Variants in SNTG2 observed in about 807,000 individuals in gnomAD.
The protein encoded by SNTG2 is gamma-2-syntrophin.
In SNTG2, 74 loss-of-function variants were observed where a neutral mutation model predicts 70.9. The ratio of observed to expected loss-of-function variants is 1.04; its 90% CI spans 0.86 to 1.27. SNTG2 has a LOEUF of 1.27. SNTG2 is among the 50% of genes most tolerant of loss of function. SNTG2 has a pLI of 0.00. For missense variants in SNTG2, 717 were observed against 690.7 expected (o/e 1.04, Z -0.43); for synonymous variants, 278 against 273.8 (o/e 1.02, Z -0.15).
chr2:1,314,335 A>G (rs1244570556), intron 15 of SNTG2, among the ~76,000 whole-genome samples: 1 of 152,216 alleles, frequency 6.6e-6, no homozygotes, highest in Non-Finnish European at 1.5e-5. Flanking sequence ...AATGATGGAT[A>G]ATAGGTCCTT....
At chr2:1,089,493 G>T (rs895962359) in intron 2 of SNTG2, among the ~76,000 whole-genome samples, 6 of 152,138 alleles carry the variant, frequency 3.9e-5, no homozygotes, top group Non-Finnish European at 7.3e-5. Flanking sequence ...AAATTAGTCG[G>T]GTGTGATGGC....
At chr2:1,016,298 G>A (rs1659889742) in intron 1 of SNTG2, among the ~76,000 whole-genome samples, 1 of 152,194 alleles carries the variant, frequency 6.6e-6, no homozygotes, top group Non-Finnish European at 1.5e-5. Context: ...CTGGAGTTCA[G>A]TGGCGTGATC....
Position 1,367,495 on chromosome 2 carries a change from T to C in SNTG2, c.*21T>C. 6.5e-7 allele frequency: 1 copy of C among 1,540,270 alleles called. No homozygotes were observed. Among genetic ancestry groups the C allele is most frequent in the Non-Finnish European group, 8.7e-7 (1 of 1,143,722 alleles). On this transcript the variant is annotated 3_prime_UTR_variant, in exon 17 of 17. Coordinates refer to ENST00000308624, the MANE Select transcript of SNTG2 (RefSeq NM_018968.4). ...GCTAAAGGTTGTTTCTGTTGAGTGC[T>C]GAAAAATTAAATTATTTTCGTAAGA...
chr2:1,201,717 CACAT>C (rs530034129), intron 8 of SNTG2, among the ~76,000 whole-genome samples: 92 of 151,936 alleles, frequency 6.1e-4, no homozygotes, highest in African/African-American at 2.0e-3. Flanking sequence ...ATCAAAGTAT[CACAT>C]ACACCCCAAA....
chr2:1,324,353 C>T (rs762313669), intron 16 of SNTG2, among the ~76,000 whole-genome samples: 2 of 152,034 alleles, frequency 1.3e-5, no homozygotes, highest in African/African-American at 2.4e-5. Flanking sequence ...TAAGTTTTCT[C>T]AGAAGTAAAA....
At chr2:1,203,068 C>T (rs1426319926) in intron 8 of SNTG2, among the ~76,000 whole-genome samples, 1 of 152,124 alleles carries the variant, frequency 6.6e-6, no homozygotes, top group African/African-American at 2.4e-5. Context: ...CAACTGGGAC[C>T]TCACTGACAT....
chr2:1,363,386 A>G (rs1166454124), intron 16 of SNTG2, among the ~76,000 whole-genome samples: 1 of 152,136 alleles, frequency 6.6e-6, no homozygotes, highest in African/African-American at 2.4e-5. Context: ...ATAATCTCTT[A>G]TAGCACATAT....
chr2:982,884 C>T (rs1199184110), intron 1 of SNTG2, among the ~76,000 whole-genome samples: 1 of 152,116 alleles, frequency 6.6e-6, no homozygotes, highest in Non-Finnish European at 1.5e-5. Context: ...ACTAAAACCC[C>T]ATCCCAAGGA....
In SNTG2 at chr2:1,237,886, A is replaced by G; in HGVS notation, c.720-2A>G. 1.3e-6 allele frequency: 2 copies of G among 1,598,754 alleles called. No homozygotes were observed. The highest frequency in any genetic ancestry group is 1.7e-6 in the Non-Finnish European group (2 of 1,173,204). ...CTCCTGGACAGCTCTCTCCCTCCCCAGGTGGAATGCGTTCGAGGTGCTCGC... is the reference window on the plus strand; with the variant it reads ...CTCCTGGACAGCTCTCTCCCTCCCCGGGTGGAATGCGTTCGAGGTGCTCGC... On this transcript the variant is annotated splice_acceptor_variant, in intron 9 of 16. Transcript: ENST00000308624. LOFTEE classifies it high-confidence loss of function.
chr2:1,170,104 A>C (rs185922479), intron 7 of SNTG2, among the ~76,000 whole-genome samples: 1 of 152,122 alleles, frequency 6.6e-6, no homozygotes. Context: ...ATCACGGCAG[A>C]TCTGTGCGGA....
chr2:1,034,912 ATTC>A (rs1483109196), intron 1 of SNTG2, among the ~76,000 whole-genome samples: 3 of 152,220 alleles, frequency 2.0e-5, no homozygotes, highest in Non-Finnish European at 4.4e-5. Flanking sequence ...ACAATAGAAT[ATTC>A]TTCTCATCAC....
rs1661291024 is a variant in SNTG2, at chr2:1,363,129, A to ACGC, written c.1489-4213_1489-4212insGCC. On this transcript the variant is annotated intron_variant, in intron 16 of 16. Transcript: ENST00000308624. ...CTCCTGTGAAACCCTCACAAAATGG[A>ACGC]CCCCCCCCATGAAAGAGGAACCATG... Among the ~76,000 whole-genome samples the ACGC allele has an allele frequency of 2.1e-5, 3 of 140,570 alleles. No homozygotes were observed. The Admixed American group carries it at 2.1e-4, about 10-fold the overall frequency. The allele number at this position is 140,570 out of a possible 152,430, so 92.2% of individuals were successfully genotyped here. A position where few individuals can be genotyped will look rare whatever the true frequency, so the allele number is the denominator to read the frequency against.
At chr2:1,293,569 A>G (rs940467219) in intron 14 of SNTG2, among the ~76,000 whole-genome samples, 12 of 150,372 alleles carry the variant, frequency 8.0e-5, no homozygotes, top group Admixed American at 5.3e-4. Flanking sequence ...TATTTAGGTT[A>G]TTTTCTAGCT....
At chr2:1,179,729 A>C (rs1003457402) in intron 8 of SNTG2, among the ~76,000 whole-genome samples, 4 of 151,134 alleles carry the variant, frequency 2.6e-5, no homozygotes, top group African/African-American at 9.7e-5. Context: ...TAAAGTTCAT[A>C]TGGAACCAAA....
At chr2:1,010,342 A>T (rs746427862) in intron 1 of SNTG2, among the ~76,000 whole-genome samples, 2 of 152,194 alleles carry the variant, frequency 1.3e-5, no homozygotes, top group Non-Finnish European at 2.9e-5. Flanking sequence ...CCAAGACTGG[A>T]CCTGGTCTAG....
chr2:1,162,333 C>G (rs1297253491), intron 6 of SNTG2, among the ~76,000 whole-genome samples: 1 of 152,130 alleles, frequency 6.6e-6, no homozygotes, highest in Non-Finnish European at 1.5e-5. Context: ...ACAAGGACTT[C>G]AGGCACACTG....
At chr2:951,174 AC>A in intron 1 of SNTG2, 106 bp downstream of exon 1, 1 of 501,294 alleles carries the variant, frequency 2.0e-6, no homozygotes, top group Non-Finnish European at 3.0e-6. Flanking sequence ...GCTCCCCGCG[AC>A]CCCTTCCCTG....
At chr2:981,457 A>T (rs1383343429) in intron 1 of SNTG2, among the ~76,000 whole-genome samples, 1 of 152,080 alleles carries the variant, frequency 6.6e-6, no homozygotes, top group East Asian at 1.9e-4. Flanking sequence ...ACACAAATGC[A>T]TATGCACACA....
intron 2 of SNTG2, among the ~76,000 whole-genome samples, chr2:1,095,893 G>T (rs975829184): frequency 1.3e-5 from 2 of 152,174 alleles, no homozygotes; most frequent in African/African-American, 4.8e-5. Context: ...GAACTCAGAA[G>T]CGTAAGGCTG....
Sources: allele counts gnomAD v4.1 joint callset (sites outside exome capture counted in the v4.1 genomes callset), GRCh38; gene constraint gnomAD v4.1.1; transcripts MANE v1.5; gene names NCBI Gene and HGNC (gene_info 2026-07-23, HGNC 2026-07-21).